The following SUCLA2 variants were observed in gnomAD, a reference collection of about 807,000 sequenced individuals.
SUCLA2 encodes succinate-CoA ligase ADP-forming subunit beta, also known as succinate--CoA ligase [ADP-forming] subunit beta, mitochondrial.
A neutral mutation model predicts 54.8 loss-of-function variants in SUCLA2; 30 were observed. The ratio of observed to expected loss-of-function variants is 0.55; its 90% CI spans 0.41 to 0.74. SUCLA2 has a LOEUF of 0.74. Among genes scored for constraint, SUCLA2 ranks in the 30% least tolerant of loss-of-function variants. The pLI is 0.00. For missense variants in SUCLA2, 476 were observed against 562.9 expected (o/e 0.85, Z 1.56); for synonymous variants, 172 against 188.9 (o/e 0.91, Z 0.74).
chr13:47,968,869 G>C, intron 5 of SUCLA2, 136 bp from the exon 6 acceptor site: 1 of 1,025,934 alleles, frequency 9.7e-7, no homozygotes, highest in Non-Finnish European at 1.4e-6. Context: ...TGAAATAGCA[G>C]CTACCATTAC....
chr13:47,990,604 A>G lies in SUCLA2; in HGVS notation c.272-1623T>C, dbSNP rs1950142382. Reference sequence around the variant, plus strand: ...ATACATTATGGCAAAATAACCTTTGAGATCAGGGCTAAAGGTCTCACTGTA... The same window carrying G: ...ATACATTATGGCAAAATAACCTTTGGGATCAGGGCTAAAGGTCTCACTGTA... On this transcript the variant is annotated intron_variant, in intron 2 of 10. Transcript: ENST00000646932. Among the ~76,000 whole-genome samples the G allele has an allele frequency of 2.0e-5, 3 of 152,166 alleles. No individual in the cohort carries two copies. The South Asian group carries it at 6.2e-4, about 32-fold the overall frequency.
chr13:47,997,248 C>T lies in SUCLA2; in HGVS notation c.91-225G>A, dbSNP rs2296574. The stretch of plus-strand genomic sequence containing the variant: ...TCCTCATCATCTCTATTCCTTATTT[C>T]AGATTTCAGCTTTACTATCATATCT... On this transcript the variant is annotated intron_variant, in intron 1 of 10. Coordinates refer to ENST00000646932, the MANE Select transcript of SUCLA2 (RefSeq NM_003850.3). 0.73 allele frequency among the ~76,000 whole-genome samples: 110,765 copies of T among 151,944 alleles called. 41,328 individuals are homozygous for T. Among genetic ancestry groups the T allele is most frequent in the Non-Finnish European group, 0.82 (55,393 of 67,960 alleles).
intron 4 of SUCLA2, among the ~76,000 whole-genome samples, chr13:47,987,270 G>C (rs527772863): frequency 2.6e-5 from 4 of 152,136 alleles, no homozygotes; most frequent in Admixed American, 1.3e-4. Context: ...GAATTACTAT[G>C]GATAGAACTC....
In SUCLA2 at chr13:47,943,096, T is replaced by C. The variant is rs1726522313; in HGVS notation, c.*275A>G. ...TGAAGAACTTTGTATCCAACAATAA[T>C]AAACTGGCAAATTGCAAGTTACGTT... On this transcript the variant is annotated 3_prime_UTR_variant, in exon 11 of 11. Coordinates refer to ENST00000646932, the MANE Select transcript of SUCLA2 (RefSeq NM_003850.3). 4.7e-6 allele frequency: 2 copies of C among 423,352 alleles called. No individual in the cohort carries two copies. Among genetic ancestry groups the C allele is most frequent in the African/African-American group, 2.0e-5 (1 of 49,836 alleles). The allele number at this position is 423,352 out of a possible 1,614,324, so 26.2% of individuals were successfully genotyped here.
chr13:47,948,426 C>T (rs190027310), intron 10 of SUCLA2, among the ~76,000 whole-genome samples: 1 of 152,132 alleles, frequency 6.6e-6, no homozygotes, highest in African/African-American at 2.4e-5. Flanking sequence ...CCCTATGTTG[C>T]CCAGGCTAGT....
rs183737621 is a variant in SUCLA2, at chr13:47,979,493, G to T, written c.535-6101C>A. 4.7e-4 allele frequency among the ~76,000 whole-genome samples: 71 copies of T among 152,204 alleles called. No homozygotes were observed. In the East Asian group the frequency reaches 8.5e-3, roughly 18 times the overall value. ...CACACACCGGGGCCTGTCGGGGGGT[G>T]GGGGGCTAGGGCAGAGATAGCATCA... On this transcript the variant is annotated intron_variant, in intron 4 of 10. Coordinates refer to ENST00000646932, the MANE Select transcript of SUCLA2 (RefSeq NM_003850.3).
At chr13:47,975,899 C>A (rs1407434984) in intron 4 of SUCLA2, among the ~76,000 whole-genome samples, 1 of 152,232 alleles carries the variant, frequency 6.6e-6, no homozygotes, top group South Asian at 2.1e-4. Flanking sequence ...ATTGTATCAA[C>A]CCACTCTGCA....
At chr13:47,944,188 G>A (rs1593474146) in intron 10 of SUCLA2, among the ~76,000 whole-genome samples, 1 of 151,068 alleles carries the variant, frequency 6.6e-6, no homozygotes, top group East Asian at 1.9e-4. Flanking sequence ...AACTTATCTA[G>A]CCTGTTTCTT....
chr13:47,944,234 T>C (rs1169685349), intron 10 of SUCLA2, among the ~76,000 whole-genome samples: 3 of 152,194 alleles, frequency 2.0e-5, no homozygotes, highest in African/African-American at 7.2e-5. Flanking sequence ...ACCAAATTCA[T>C]ATTAAATGAG....
chr13:47,982,500 GA>G (rs11389505), intron 4 of SUCLA2, among the ~76,000 whole-genome samples: 1 of 150,952 alleles, frequency 6.6e-6, no homozygotes, highest in African/African-American at 2.4e-5. Flanking sequence ...AAAAATTAAA[GA>G]AAAAAAAAGA....
Position 47,943,187 on chromosome 13 carries a change from C to T in SUCLA2, c.*184G>A, listed in dbSNP as rs1461746252. On this transcript the variant is annotated 3_prime_UTR_variant, in exon 11 of 11. Coordinates refer to ENST00000646932, the MANE Select transcript of SUCLA2 (RefSeq NM_003850.3). ...GAAGATAACTGCATTATACATGCTT[C>T]GTACAAACAGTCCATTCTGAATGGT... is the stretch of plus-strand genomic sequence containing the variant. 2.0e-5 allele frequency: 13 copies of T among 650,450 alleles called. No individual in the cohort carries two copies. The highest frequency in any genetic ancestry group is 1.5e-4 in the Admixed American group (6 of 39,220). The allele number at this position is 650,450 out of a possible 1,614,324, so 40.3% of individuals were successfully genotyped here. A position where few individuals can be genotyped will look rare whatever the true frequency, so the allele number is the denominator to read the frequency against.
intron 6 of SUCLA2, among the ~76,000 whole-genome samples, chr13:47,960,872 G>C (rs1032167120): frequency 6.6e-6 from 1 of 152,158 alleles, no homozygotes. Context: ...AAGTTAAAAC[G>C]ATTCAATCCC....
chr13:47,955,884 T>C (rs1949816716), intron 6 of SUCLA2, among the ~76,000 whole-genome samples: 1 of 152,174 alleles, frequency 6.6e-6, no homozygotes, highest in Non-Finnish European at 1.5e-5. Flanking sequence ...AGCAAGCAAT[T>C]TCAGCTGCTG....
At position 47,954,518 on chromosome 13, in the gene SUCLA2, G is replaced by T; in HGVS notation, c.842C>A (p.Ser281Ter). 6.2e-7 allele frequency: 1 copy of T among 1,613,782 alleles called. No homozygotes were observed. Reference sequence around the variant, plus strand: ...AAAGATTTTCTTTTGGCGATAGGCTGAATTAGAGTCAAAATTGATCTTTGC... The same window carrying T: ...AAAGATTTTCTTTTGGCGATAGGCTTAATTAGAGTCAAAATTGATCTTTGC... ...MDAKINFDSN[S>*]AYRQKKIFDL... Residue 281 changes from serine to a stop codon, truncating the protein, a stop_gained, in exon 7 of 11, where the codon TCA becomes TAA. Coordinates refer to ENST00000646932, the MANE Select transcript of SUCLA2 (RefSeq NM_003850.3). LOFTEE classifies it high-confidence loss of function.
chr13:47,957,269 A>C (rs1174222851), intron 6 of SUCLA2, among the ~76,000 whole-genome samples: 4 of 152,166 alleles, frequency 2.6e-5, no homozygotes, highest in African/African-American at 9.7e-5. Context: ...CAGCTGCAGC[A>C]CCCGATTAAA....
chr13:47,972,288 T>C (rs1039106496), intron 5 of SUCLA2, among the ~76,000 whole-genome samples: 2 of 151,950 alleles, frequency 1.3e-5, no homozygotes, highest in Non-Finnish European at 2.9e-5. Context: ...TGAAGAACCG[T>C]ATTTGGATGC....
chr13:47,946,728 T>A (rs1011685516), intron 10 of SUCLA2, among the ~76,000 whole-genome samples: 2 of 152,102 alleles, frequency 1.3e-5, no homozygotes, highest in Admixed American at 1.3e-4. Context: ...AATGCAGATA[T>A]AATTGCTTTC....
In SUCLA2 at chr13:47,964,478, T is replaced by A. The variant is rs111361581; in HGVS notation, c.802+4117A>T. 3.1e-3 allele frequency among the ~76,000 whole-genome samples: 469 copies of A among 152,258 alleles called. 3 individuals carry two copies. The highest frequency in any genetic ancestry group is 1.0e-2 in the African/African-American group (414 of 41,560). On this transcript the variant is annotated intron_variant, in intron 6 of 10. Transcript: ENST00000646932. ...TGCAGGTTTAAAATGTTAAAAAAAATGTTGAAAACTAAGTAAAATATTTAG... is the reference window on the plus strand; with the variant it reads ...TGCAGGTTTAAAATGTTAAAAAAAAAGTTGAAAACTAAGTAAAATATTTAG...
At chr13:47,952,077 ATCTGG>A (rs1209096008) in intron 8 of SUCLA2, among the ~76,000 whole-genome samples, 1 of 151,554 alleles carries the variant, frequency 6.6e-6, no homozygotes, top group Non-Finnish European at 1.5e-5. Context: ...ATCCATTACA[ATCTGG>A]CCTATGCCCC....
Sources: allele counts gnomAD v4.1 joint callset (sites outside exome capture counted in the v4.1 genomes callset), GRCh38; gene constraint gnomAD v4.1.1; transcripts MANE v1.5; gene names NCBI Gene and HGNC (gene_info 2026-07-23, HGNC 2026-07-21).